MGST1: variants seen among roughly 807,000 people sequenced by gnomAD.
The protein encoded by MGST1 is microsomal glutathione S-transferase 1.
MGST1 carries 5 observed loss-of-function variants against 8.9 expected under a neutral mutation model. That is an observed-to-expected ratio of 0.56 (90% CI 0.29 to 1.19). The LOEUF (loss-of-function observed/expected upper bound fraction) is 1.19, where lower values mean the gene tolerates loss of function less well. Ranked by LOEUF, MGST1 falls within the 50% of genes most tolerant of loss-of-function variation. The pLI is 0.08. For missense variants in MGST1, 182 were observed against 187.4 expected (o/e 0.97, Z 0.17); for synonymous variants, 54 against 67.8 (o/e 0.80, Z 1.00).
intron 4 of MGST1, among the ~76,000 whole-genome samples, chr12:16,570,892 T>G (rs1441061548): frequency 6.6e-6 from 1 of 152,146 alleles, no homozygotes; most frequent in Non-Finnish European, 1.5e-5. Flanking sequence ...TAGGGTTAAT[T>G]ATTATTACTT....
intron 1 of MGST1, among the ~76,000 whole-genome samples, chr12:16,402,955 CTATA>C (rs1196854426): frequency 2.0e-5 from 3 of 149,430 alleles, no homozygotes; most frequent in African/African-American, 4.9e-5. Flanking sequence ...AATATATTCT[CTATA>C]TATTTATTAT....
intron 4 of MGST1, among the ~76,000 whole-genome samples, chr12:16,563,214 G>T (rs938813312): frequency 6.6e-6 from 1 of 152,080 alleles, no homozygotes; most frequent in Admixed American, 6.6e-5. Flanking sequence ...GCGGAAATCT[G>T]ATCTAATTTA....
At chr12:16,382,869 C>T (rs765019544) in exon 1 of MGST1, 1 of 153,298 alleles carries the variant, frequency 6.5e-6, no homozygotes. Flanking sequence ...CCCAGCCTCG[C>T]TGCTGCCTTG....
intron 4 of MGST1, among the ~76,000 whole-genome samples, chr12:16,562,393 A>C (rs779369234): frequency 2.6e-5 from 4 of 152,224 alleles, no homozygotes; most frequent in Non-Finnish European, 5.9e-5. Flanking sequence ...CATGCGATAA[A>C]GCCGTTTTTA....
chr12:16,497,970 G>A lies in MGST1; in HGVS notation n.483-91558G>A, dbSNP rs997485866. 2.6e-5 allele frequency among the ~76,000 whole-genome samples: 4 copies of A among 152,060 alleles called. No individual in the cohort carries two copies. Among genetic ancestry groups the A allele is most frequent in the Non-Finnish European group, 4.4e-5 (3 of 67,994 alleles). On this transcript the variant is annotated intron_variant and non_coding_transcript_variant, in intron 4 of 4. Coordinates refer to the MGST1 transcript ENST00000538857. The surrounding 1 kb of genome is among the most constrained non-coding windows in gnomAD (Gnocchi z 4.4). ...CTCCAAGGGGCTAGTTTTGGAAATT[G>A]GAAAATAATATACATCTGCGAATGT...
At chr12:16,439,165 A>G (rs538364190), downstream of MGST1, among the ~76,000 whole-genome samples, 8 of 151,900 alleles carry the variant, frequency 5.3e-5, no homozygotes, top group South Asian at 1.7e-3. Flanking sequence ...ATGATTGCAT[A>G]GAACCCTGTC....
At chr12:16,369,291 G>A (rs926916643), downstream of MGST1, among the ~76,000 whole-genome samples, 2 of 152,112 alleles carry the variant, frequency 1.3e-5, no homozygotes, top group African/African-American at 4.8e-5. The surrounding 1 kb of genome is among the most constrained non-coding windows in gnomAD (Gnocchi z 4.8). Flanking sequence ...CAATAATTCT[G>A]CATGATAAGT....
intron 4 of MGST1, among the ~76,000 whole-genome samples, chr12:16,487,771 C>A (rs1291506616): frequency 6.6e-6 from 1 of 152,090 alleles, no homozygotes; most frequent in Non-Finnish European, 1.5e-5. Context: ...CCTCAGCCTC[C>A]TGGTAACTGG....
At chr12:16,453,197 T>C (rs905291040) in intron 4 of MGST1, among the ~76,000 whole-genome samples, 1 of 151,736 alleles carries the variant, frequency 6.6e-6, no homozygotes, top group Non-Finnish European at 1.5e-5. Flanking sequence ...ATTTAGGGAG[T>C]TGTTAAAAAC....
chr12:16,404,691 T>C (rs1185542205), intron 1 of MGST1, among the ~76,000 whole-genome samples: 2 of 152,168 alleles, frequency 1.3e-5, no homozygotes, highest in African/African-American at 2.4e-5. Flanking sequence ...CCTATTTTTG[T>C]GTTATTGTCT....
downstream of MGST1, among the ~76,000 whole-genome samples, chr12:16,378,871 T>C (rs892063465): frequency 2.0e-3 from 297 of 152,158 alleles, no homozygotes; most frequent in Non-Finnish European, 2.8e-3. Context: ...ACATCCCTTG[T>C]AAGTTGGATT....
Position 16,401,293 on chromosome 12 carries a change from A to G in MGST1, n.778+17689A>G. ...GTCTGAGAATCCCAAACTGATGCTG[A>G]AAACCATTCCTGTCTTCAGTTTGTA... is the stretch of plus-strand genomic sequence containing the variant. On this transcript the variant is annotated intron_variant and non_coding_transcript_variant, in intron 1 of 1. Transcript: ENST00000359720. The surrounding 1 kb of genome is among the most constrained non-coding windows in gnomAD (Gnocchi z 4.3). 1 of 1,516,528 alleles carries G rather than the reference A, an allele frequency of 6.6e-7. No homozygotes were observed. Among genetic ancestry groups the G allele is most frequent in the Non-Finnish European group, 9.1e-7 (1 of 1,094,394 alleles). The allele number at this position is 1,516,528 out of a possible 1,614,324, so 93.9% of individuals were successfully genotyped here. A position where few individuals can be genotyped will look rare whatever the true frequency, so the allele number is the denominator to read the frequency against.
chr12:16,559,100 T>C lies in MGST1; in HGVS notation n.483-30428T>C, dbSNP rs1942297088. On this transcript the variant is annotated intron_variant and non_coding_transcript_variant, in intron 4 of 4. Coordinates refer to the MGST1 transcript ENST00000538857. The surrounding 1 kb of genome is among the most constrained non-coding windows in gnomAD (Gnocchi z 4.1). ...CTGCATCAAATAGTACCTTTCAGAG[T>C]AAATTACAATAACTGAGAACTTGAT... is the stretch of plus-strand genomic sequence containing the variant. Among the ~76,000 whole-genome samples the C allele has an allele frequency of 6.6e-6, 1 of 152,168 alleles. No individual in the cohort carries two copies. The highest frequency in any genetic ancestry group is 6.5e-5 in the Admixed American group (1 of 15,274).
In MGST1 at chr12:16,361,796, G is replaced by A. The variant is rs965779788; in HGVS notation, c.222-1999G>A. ...GTGTTATCTTTGAGAACATTTTGAG[G>A]GCTGACGAAAGAGAAAGAGAACTCA... is the stretch of plus-strand genomic sequence containing the variant. On this transcript the variant is annotated intron_variant, in intron 3 of 3. Transcript: ENST00000396210. The surrounding 1 kb of genome is among the most constrained non-coding windows in gnomAD (Gnocchi z 4.2). Among the ~76,000 whole-genome samples the A allele has an allele frequency of 1.4e-4, 21 of 152,110 alleles. No homozygotes were observed. The highest frequency in any genetic ancestry group is 5.1e-4 in the African/African-American group (21 of 41,398).
intron 1 of MGST1, chr12:16,402,443 C>T (rs1181894751): frequency 2.3e-5 from 37 of 1,601,954 alleles, no homozygotes; most frequent in African/African-American, 1.3e-4. Flanking sequence ...CGCTTCTCCT[C>T]GGGTTCTGAG....
Position 16,357,640 on chromosome 12 carries a change from C to G in MGST1, c.162C>G (p.Gly54=), listed in dbSNP as rs776885718. The G allele has an allele frequency of 1.2e-6, 2 of 1,613,732 alleles. No individual in the cohort carries two copies. Among genetic ancestry groups the G allele is most frequent in the East Asian group, 2.2e-5 (1 of 44,850 alleles). The change falls in exon 3 of 4, where the codon GGC becomes GGG. Residue 54 remains glycine (G), a synonymous_variant. Coordinates refer to ENST00000396210, the MANE Select transcript of MGST1 (RefSeq NM_020300.5). The part of the protein sequence containing the change: ...FANPEDCVAF[G]KGENAKKYLR... The stretch of plus-strand genomic sequence containing the variant: ...ATCCAGAAGACTGTGTAGCATTTGG[C>G]AAAGGAGAAAATGCCAAGAAGTATC...
At chr12:16,432,902 G>A (rs1174962989) in intron 1 of MGST1, among the ~76,000 whole-genome samples, 1 of 152,070 alleles carries the variant, frequency 6.6e-6, no homozygotes, top group Non-Finnish European at 1.5e-5. Context: ...ACAGTCAATG[G>A]TGTCTGTCAA....
Position 16,560,655 on chromosome 12 carries a change from A to C in MGST1, n.483-28873A>C. 1.1e-6 allele frequency: 1 copy of C among 893,252 alleles called. No individual in the cohort carries two copies. The highest frequency in any genetic ancestry group is 1.7e-5 in the South Asian group (1 of 58,006). The allele number at this position is 893,252 out of a possible 1,614,324, so 55.3% of individuals were successfully genotyped here. A position where few individuals can be genotyped will look rare whatever the true frequency, so the allele number is the denominator to read the frequency against. On this transcript the variant is annotated intron_variant and non_coding_transcript_variant, in intron 4 of 4. Coordinates refer to the MGST1 transcript ENST00000538857. The surrounding 1 kb of genome is among the most constrained non-coding windows in gnomAD (Gnocchi z 5.0). The stretch of plus-strand genomic sequence containing the variant: ...TACAATACACAATGCTTTATGATGT[A>C]CACAAGTGGATTTTATCCTAGGTGT...
At chr12:16,400,614 A>G (rs752118728) in intron 1 of MGST1, 1 of 1,220,010 alleles carries the variant, frequency 8.2e-7, no homozygotes, top group Admixed American at 1.7e-5. Flanking sequence ...CGGTCATCGT[A>G]TGACGCTTGG....
Sources: gnomAD v4.1 joint callset for allele counts (sites outside exome capture counted in the v4.1 genomes callset) on GRCh38, gnomAD v4.1.1 for gene constraint, Gnocchi (gnomAD v3.1) non-coding constraint, MANE v1.5 for transcripts, NCBI Gene and HGNC (gene_info 2026-07-23, HGNC 2026-07-21) for gene names.